Variants in STK32A observed in about 807,000 individuals in gnomAD.
STK32A encodes the protein serine/threonine kinase 32A.
Under a neutral mutation model 53.2 loss-of-function variants are expected in STK32A, and 41 were observed. The observed-to-expected ratio is 0.77, with a 90% CI of 0.60 to 1.00. The LOEUF (loss-of-function observed/expected upper bound fraction) is 1.00. Among genes scored for constraint, STK32A ranks in the 50% least tolerant of loss-of-function variants. STK32A has a pLI of 0.00. For missense variants in STK32A, 458 were observed against 485.8 expected (o/e 0.94, Z 0.54); for synonymous variants, 166 against 162.8 (o/e 1.02, Z -0.15).
chr5:147,364,221 A>G (rs1756645560), intron 8 of STK32A, among the ~76,000 whole-genome samples: 1 of 151,554 alleles, frequency 6.6e-6, no homozygotes, highest in African/African-American at 2.4e-5. Flanking sequence ...ATCTCAAAAA[A>G]AAAAAAAAAA....
rs1387853719 is a variant in STK32A, at chr5:147,373,422, A to G, written c.903+128A>G. On this transcript the variant is annotated intron_variant, in intron 10 of 12. Coordinates refer to ENST00000397936, the MANE Select transcript of STK32A (RefSeq NM_001112724.2). ...AAGAGAGCCCCAATTCCCATTTTAC[A>G]GATGAGAGAATTGAGACATGCACAG... 3.1e-6 allele frequency: 4 copies of G among 1,302,630 alleles called. No homozygotes were observed. In the African/African-American group the frequency reaches 6.0e-5, roughly 19 times the overall value. The allele number at this position is 1,302,630 out of a possible 1,614,324, so 80.7% of individuals were successfully genotyped here.
At chr5:147,251,321 A>G (rs1306367126) in intron 2 of STK32A, among the ~76,000 whole-genome samples, 2 of 152,230 alleles carry the variant, frequency 1.3e-5, no homozygotes, top group Non-Finnish European at 2.9e-5. Flanking sequence ...ATTTGGAAGC[A>G]AATGATGTGA....
chr5:147,259,952 C>CTG (rs1491092838), intron 2 of STK32A, among the ~76,000 whole-genome samples: 1 of 137,226 alleles, frequency 7.3e-6, no homozygotes, highest in Non-Finnish European at 1.6e-5. Context: ...TCTCTCTCTC[C>CTG]TCTCTGTCTC....
intron 2 of STK32A, among the ~76,000 whole-genome samples, chr5:147,253,604 C>A (rs571006564): frequency 6.6e-6 from 1 of 152,264 alleles, no homozygotes; most frequent in African/African-American, 2.4e-5. Flanking sequence ...GATCCACCCA[C>A]CTCAGCCTCT....
At chr5:147,377,522 A>G (rs1357626531) in intron 11 of STK32A, among the ~76,000 whole-genome samples, 2 of 152,080 alleles carry the variant, frequency 1.3e-5, no homozygotes, top group Admixed American at 6.5e-5. Flanking sequence ...TCGACATTTA[A>G]ATATGATAAT....
chr5:147,254,723 C>T (rs185383973), intron 2 of STK32A, among the ~76,000 whole-genome samples: 78 of 152,226 alleles, frequency 5.1e-4, no homozygotes, highest in Non-Finnish European at 1.0e-3. Flanking sequence ...GGGGTGAGGG[C>T]TTTGGCAGAG....
chr5:147,283,028 T>C (rs1752136436), intron 4 of STK32A, among the ~76,000 whole-genome samples: 2 of 152,186 alleles, frequency 1.3e-5, no homozygotes, highest in African/African-American at 4.8e-5. Flanking sequence ...TTCTCCAAGA[T>C]AGACCATATG....
At chr5:147,251,101 A>G (rs1277601660) in intron 2 of STK32A, among the ~76,000 whole-genome samples, 3 of 152,194 alleles carry the variant, frequency 2.0e-5, no homozygotes, top group Non-Finnish European at 4.4e-5. Flanking sequence ...GTACTAGAGC[A>G]TGTAATATAA....
intron 5 of STK32A, among the ~76,000 whole-genome samples, chr5:147,328,399 T>C (rs985457092): frequency 2.4e-4 from 36 of 152,366 alleles, no homozygotes; most frequent in African/African-American, 8.4e-4. Flanking sequence ...ACTTGAACTT[T>C]TGGTAGTTTC....
intron 7 of STK32A, among the ~76,000 whole-genome samples, chr5:147,355,009 A>G (rs1203208175): frequency 2.0e-5 from 3 of 152,112 alleles, no homozygotes; most frequent in East Asian, 1.9e-4. Context: ...TATGCTCCCA[A>G]TGGTTTGGTA....
chr5:147,365,154 T>C (rs993522426), intron 8 of STK32A, among the ~76,000 whole-genome samples: 14 of 152,148 alleles, frequency 9.2e-5, no homozygotes, highest in African/African-American at 2.9e-4. Context: ...ATTAACCTAT[T>C]CACAGTAAGA....
At chr5:147,380,119 G>GA (rs555038507) in intron 11 of STK32A, among the ~76,000 whole-genome samples, 8 of 151,780 alleles carry the variant, frequency 5.3e-5, no homozygotes, top group South Asian at 2.1e-4. Flanking sequence ...ATAGTAGAGG[G>GA]AAAAAAAATC....
chr5:147,246,850 A>C lies in STK32A; in HGVS notation c.52+7164A>C, dbSNP rs908620491. ...TAATGAGTACAACACAAGATAGCTC[A>C]GTTTAATTCTGGGATGTTGGATGTT... is the stretch of plus-strand genomic sequence containing the variant. On this transcript the variant is annotated intron_variant, in intron 2 of 12. Coordinates refer to ENST00000397936, the MANE Select transcript of STK32A (RefSeq NM_001112724.2). Among the ~76,000 whole-genome samples, 3 of 152,340 alleles carry C rather than the reference A, an allele frequency of 2.0e-5. No homozygotes were observed. In the East Asian group the frequency reaches 5.8e-4, roughly 29 times the overall value.
chr5:147,279,032 G>A (rs1393428292), intron 3 of STK32A, among the ~76,000 whole-genome samples: 2 of 152,110 alleles, frequency 1.3e-5, no homozygotes, highest in Non-Finnish European at 2.9e-5. Context: ...AGGCAAAATT[G>A]TTTGAGAAAA....
chr5:147,360,475 A>G (rs201805374), intron 7 of STK32A, among the ~76,000 whole-genome samples: 12 of 143,380 alleles, frequency 8.4e-5, no homozygotes, highest in African/African-American at 2.2e-4. Context: ...AAAGAAAAAA[A>G]AAAGAAAGAA....
At chr5:147,400,623 G>T in the STK32A span, 1 of 1,559,790 alleles carries the variant, frequency 6.4e-7, no homozygotes, top group Non-Finnish European at 8.7e-7. Context: ...CCAACTGGTG[G>T]CAGGAGGTTC....
intron 10 of STK32A, among the ~76,000 whole-genome samples, chr5:147,374,049 C>T (rs1400863948): frequency 6.6e-6 from 1 of 152,052 alleles, no homozygotes; most frequent in Non-Finnish European, 1.5e-5. Flanking sequence ...AATCTCAGCA[C>T]TTTAGGAGGC....
At chr5:147,236,526 GA>G (rs1160383911) in intron 1 of STK32A, among the ~76,000 whole-genome samples, 1 of 149,548 alleles carries the variant, frequency 6.7e-6, no homozygotes, top group Non-Finnish European at 1.5e-5. Flanking sequence ...ATTTCTTTCT[GA>G]ATATGAAAAA....
rs111930083 is a variant in STK32A, at chr5:147,317,017, C to A, written c.261-6881C>A. Among the ~76,000 whole-genome samples, 245 of 151,970 alleles carry A rather than the reference C, an allele frequency of 1.6e-3. 5 individuals are homozygous for A. Among genetic ancestry groups the A allele is most frequent in the Non-Finnish European group, 2.4e-3 (164 of 67,988 alleles). ...AAATGATAGAATTCAAATATCACAACCCCTAAGGAATTTTTGCATCAAGAC... is the reference window on the plus strand; with the variant it reads ...AAATGATAGAATTCAAATATCACAAACCCTAAGGAATTTTTGCATCAAGAC... On this transcript the variant is annotated intron_variant, in intron 4 of 12. Transcript: ENST00000397936.
Sources: gnomAD v4.1 joint callset for allele counts (sites outside exome capture counted in the v4.1 genomes callset) on GRCh38, gnomAD v4.1.1 for gene constraint, MANE v1.5 for transcripts, NCBI Gene and HGNC (gene_info 2026-07-23, HGNC 2026-07-21) for gene names.